The following ZNF705G variants were observed in gnomAD, a reference collection of about 807,000 sequenced individuals.
ZNF705G encodes the protein zinc finger protein 705G.
Under a neutral mutation model 19.6 loss-of-function variants are expected in ZNF705G, and 23 were observed. The ratio of observed to expected loss-of-function variants is 1.17; its 90% CI spans 0.84 to 1.66. The LOEUF is 1.66. Among genes scored for constraint, ZNF705G ranks in the 40% most tolerant of loss-of-function variants. The pLI is 0.00. For missense variants in ZNF705G, 457 were observed against 354.4 expected (o/e 1.29, Z -2.32); for synonymous variants, 146 against 117.7 (o/e 1.24, Z -1.56).
rs765359991 is a variant in ZNF705G, at chr8:7,358,321, G to A, written c.558C>T (p.His186=). The A allele has an allele frequency of 6.2e-6, 10 of 1,607,772 alleles. No individual in the cohort carries two copies. The highest frequency in any genetic ancestry group is 1.1e-5 in the South Asian group (1 of 90,720). The change falls in exon 7 of 7, where the codon CAC becomes CAT. Residue 186 remains histidine (H), a synonymous_variant. Transcript: ENST00000400156. ...TGTGAGTCATCTTGTGCCGTCTAAG[G>A]TGAAAGCAATTAGTATAGGCCTTTT... ...LCEKAYTNCF[H]LRRHKMTHTG... is the part of the protein sequence containing the mutation.
chr8:7,379,001 A>G (rs1807366552), intron 2 of ZNF705G, among the ~76,000 whole-genome samples: 1 of 150,086 alleles, frequency 6.7e-6, no homozygotes, highest in Non-Finnish European at 1.5e-5. Context: ...ATTTTCCTCC[A>G]TTTAGACACA....
chr8:7,380,316 T>C (rs1470292049), intron 2 of ZNF705G, among the ~76,000 whole-genome samples: 1 of 147,070 alleles, frequency 6.8e-6, no homozygotes, highest in East Asian at 1.9e-4. Context: ...CCAAGGTCGT[T>C]GTCCAGGAGG....
At chr8:7,385,344 G>GATA (rs1024743274) in intron 1 of ZNF705G, among the ~76,000 whole-genome samples, 154 bp downstream of exon 1, 101 of 148,018 alleles carry the variant, frequency 6.8e-4, no homozygotes, top group South Asian at 1.5e-3. Flanking sequence ...TAATACTACT[G>GATA]ATAATAATAA....
At chr8:7,369,812 T>C in intron 2 of ZNF705G, among the ~76,000 whole-genome samples, 1 of 149,352 alleles carries the variant, frequency 6.7e-6, no homozygotes, top group East Asian at 1.9e-4. Flanking sequence ...CATATGTTCT[T>C]AGTTATAAGT....
At chr8:7,359,993 C>A (rs893479201) in intron 5 of ZNF705G, among the ~76,000 whole-genome samples, 1 of 149,146 alleles carries the variant, frequency 6.7e-6, no homozygotes, top group East Asian at 1.9e-4. Flanking sequence ...GAAAGTTTAA[C>A]CCCAGCCAAG....
intron 6 of ZNF705G, 135 bp downstream of exon 6, chr8:7,359,484 T>A (rs1806467427): frequency 6.9e-6 from 10 of 1,448,130 alleles, no homozygotes; most frequent in Non-Finnish European, 8.3e-6. Context: ...ATTCAAAGTA[T>A]CCAATTTTTT....
At chr8:7,370,418 A>G (rs1183559890) in intron 2 of ZNF705G, among the ~76,000 whole-genome samples, 1 of 149,814 alleles carries the variant, frequency 6.7e-6, no homozygotes, top group Non-Finnish European at 1.5e-5. Flanking sequence ...ACCTGATAGA[A>G]TAGCTATTAT....
chr8:7,360,955 C>A lies in ZNF705G; in HGVS notation c.139+155G>T, dbSNP rs1368903957. 5.3e-5 allele frequency among the ~76,000 whole-genome samples: 8 copies of A among 149,608 alleles called. 1 individual carries two copies. The highest frequency in any genetic ancestry group is 1.0e-4 in the African/African-American group (4 of 39,030). On this transcript the variant is annotated intron_variant, in intron 4 of 6. Coordinates refer to ENST00000400156, the MANE Select transcript of ZNF705G (RefSeq NM_001164457.3). ...AAAATAAAAAGAAAGATATTTATTTCAGATAGATTTAGAGAGTTCAAACCT... is the reference window on the plus strand; with the variant it reads ...AAAATAAAAAGAAAGATATTTATTTAAGATAGATTTAGAGAGTTCAAACCT...
chr8:7,361,382 G>A (rs1220746047), intron 3 of ZNF705G, 146 bp from the exon 4 acceptor site: 2 of 1,377,820 alleles, frequency 1.5e-6, no homozygotes, highest in African/African-American at 1.7e-5. Flanking sequence ...GTACTAAGCT[G>A]GTATCTGCCT....
intron 2 of ZNF705G, among the ~76,000 whole-genome samples, chr8:7,370,808 C>T (rs1807068569): frequency 9.1e-6 from 1 of 110,066 alleles, no homozygotes; most frequent in Non-Finnish European, 1.8e-5. Context: ...GACATGGAAT[C>T]AACCCGAATG....
chr8:7,361,377 A>G, intron 3 of ZNF705G, 141 bp from the exon 4 acceptor site: 1 of 1,424,706 alleles, frequency 7.0e-7, no homozygotes, highest in Non-Finnish European at 9.4e-7. Context: ...TCTCAGTACT[A>G]AGCTGGTATC....
chr8:7,360,987 G>A, intron 4 of ZNF705G, 123 bp downstream of exon 4: 1 of 1,553,470 alleles, frequency 6.4e-7, no homozygotes, highest in South Asian at 1.2e-5. Flanking sequence ...ACCTTTTTCA[G>A]ATGAGATCTG....
rs759294764 is a variant in ZNF705G, at chr8:7,360,314, G to A, written c.158C>T (p.Ser53Phe). Residue 53 changes from serine to phenylalanine, a missense_variant, in exon 5 of 7, where the codon TCC becomes TTC. Coordinates refer to ENST00000400156, the MANE Select transcript of ZNF705G (RefSeq NM_001164457.3). ...TTGCTCCAGCTGCAAAATTATATAG[G>A]ATTTGCTTATCTGGTACCCTGTTAG... is the stretch of plus-strand genomic sequence containing the variant. ...LVSLGYQISK[S>F]YIILQLEQGK... is the part of the protein sequence containing the mutation. 3 of 1,589,810 alleles carry A rather than the reference G, an allele frequency of 1.9e-6. No homozygotes were observed. The highest frequency in any genetic ancestry group is 1.4e-5 in the African/African-American group (1 of 69,048).
At chr8:7,365,092 TAA>T (rs1321368948) in intron 2 of ZNF705G, among the ~76,000 whole-genome samples, 8 of 149,716 alleles carry the variant, frequency 5.3e-5, no homozygotes, top group Non-Finnish European at 1.2e-4. Flanking sequence ...ACAAATATTA[TAA>T]GAAAGTTAAA....
At chr8:7,384,386 C>A (rs1807639143) in intron 1 of ZNF705G, among the ~76,000 whole-genome samples, 1 of 145,440 alleles carries the variant, frequency 6.9e-6, no homozygotes, top group Non-Finnish European at 1.5e-5. Context: ...AGAGTTTCAA[C>A]CCCATCAAAA....
intron 2 of ZNF705G, among the ~76,000 whole-genome samples, chr8:7,367,363 C>G (rs1263406586): frequency 6.7e-6 from 1 of 149,286 alleles, no homozygotes; most frequent in Non-Finnish European, 1.5e-5. Context: ...TGGTCTACAC[C>G]TGTTAACATC....
At chr8:7,378,868 C>A (rs1384839529) in intron 2 of ZNF705G, among the ~76,000 whole-genome samples, 1 of 147,016 alleles carries the variant, frequency 6.8e-6, no homozygotes, top group Non-Finnish European at 1.5e-5. Flanking sequence ...CTCAATTCCC[C>A]TTTGCTTACA....
In ZNF705G at chr8:7,359,630, T is replaced by C. The variant is rs775908859; in HGVS notation, c.307A>G (p.Ser103Gly). 5.0e-6 allele frequency: 8 copies of C among 1,606,840 alleles called. No homozygotes were observed. The highest frequency in any genetic ancestry group is 6.8e-6 in the Non-Finnish European group (8 of 1,179,278). The change falls in exon 6 of 7, where the codon AGT becomes GGT. Residue 103 changes from serine to glycine, a missense_variant. Physicochemically the swap from Ser to Gly is moderately conservative, Grantham distance 56. Coordinates refer to ENST00000400156, the MANE Select transcript of ZNF705G (RefSeq NM_001164457.3). ...HPITRKDAST[S>G]MTMENSLILE... ...GCTATAAAACTTACCATTGTCATACTGGTGGATGCGTCTTTTCTGGTGATA... is the reference window on the plus strand; with the variant it reads ...GCTATAAAACTTACCATTGTCATACCGGTGGATGCGTCTTTTCTGGTGATA...
chr8:7,384,854 C>T (rs1443156051), intron 1 of ZNF705G, among the ~76,000 whole-genome samples: 3 of 146,164 alleles, frequency 2.1e-5, no homozygotes, highest in Non-Finnish European at 4.4e-5. Flanking sequence ...CTATCACGTA[C>T]CATGAGTCTT....
Sources: gnomAD v4.1 joint callset for allele counts (sites outside exome capture counted in the v4.1 genomes callset) on GRCh38, gnomAD v4.1.1 for gene constraint, MANE v1.5 for transcripts, NCBI Gene and HGNC (gene_info 2026-07-23, HGNC 2026-07-21) for gene names.